Variants in DOCK8 observed in about 807,000 individuals in gnomAD.
The protein encoded by DOCK8 is dedicator of cytokinesis protein 8.
In DOCK8, 141 loss-of-function variants were observed where a neutral mutation model predicts 245.6. The observed-to-expected ratio is 0.57, with a 90% CI of 0.50 to 0.66. The LOEUF is 0.66. Among genes scored for constraint, DOCK8 ranks in the 30% least tolerant of loss-of-function variants. The pLI, the probability that DOCK8 is intolerant of heterozygous loss-of-function variation, is 0.00. For synonymous variants in DOCK8, 1,168 were observed against 970.2 expected (o/e 1.20, Z -3.79); for missense variants, 2,965 against 2,603.4 (o/e 1.14, Z -3.02).
Position 429,815 on chromosome 9 carries a change from C to A in DOCK8, c.4587C>A (p.Thr1529=). The A allele has an allele frequency of 6.2e-7, 1 of 1,614,098 alleles. No individual in the cohort carries two copies. The highest frequency in any genetic ancestry group is 1.3e-5 in the African/African-American group (1 of 75,012). ...MDVTRSQACA[T]LYLLMRFSFG... Reference sequence around the variant, plus strand: ...TCACCCGGAGCCAAGCCTGTGCCACCCTTTACCTCCTCATGAGGTTCAGTT... The same window carrying A: ...TCACCCGGAGCCAAGCCTGTGCCACACTTTACCTCCTCATGAGGTTCAGTT... The change falls in exon 36 of 48, where the codon ACC becomes ACA. Residue 1529 remains threonine (T), a synonymous_variant. Coordinates refer to ENST00000432829, the MANE Select transcript of DOCK8 (RefSeq NM_203447.4).
intron 1 of DOCK8, among the ~76,000 whole-genome samples, chr9:270,921 C>T (rs1203706133): frequency 6.6e-6 from 1 of 152,172 alleles, no homozygotes; most frequent in Non-Finnish European, 1.5e-5. Flanking sequence ...CAGATAAGTG[C>T]TCAGAAGTCA....
chr9:304,077 A>G (rs903943285), intron 4 of DOCK8, among the ~76,000 whole-genome samples: 1 of 152,248 alleles, frequency 6.6e-6, no homozygotes, highest in South Asian at 2.1e-4. Context: ...CAGAGTTCAT[A>G]GAGTGGAGAT....
At chr9:227,893 A>G (rs1477358387) in intron 1 of DOCK8, among the ~76,000 whole-genome samples, 1 of 152,196 alleles carries the variant, frequency 6.6e-6, no homozygotes, top group African/African-American at 2.4e-5. Flanking sequence ...AACACATGGC[A>G]GACCGTTGTA....
intron 26 of DOCK8, among the ~76,000 whole-genome samples, chr9:400,934 T>TCCACCACCACCATCACCA (rs1193599931): frequency 4.9e-5 from 1 of 20,540 alleles, no homozygotes; most frequent in Non-Finnish European, 7.2e-5. Flanking sequence ...CACCACAACA[T>TCCACCACCACCATCACCA]CCACCACCAC....
intron 18 of DOCK8, among the ~76,000 whole-genome samples, chr9:373,515 G>C (rs2053388017): frequency 6.6e-6 from 1 of 152,166 alleles, no homozygotes; most frequent in Admixed American, 6.5e-5. Context: ...TCCACACACT[G>C]ATATTGATTG....
At chr9:339,563 G>A (rs2051479628) in intron 13 of DOCK8, among the ~76,000 whole-genome samples, 1 of 152,144 alleles carries the variant, frequency 6.6e-6, no homozygotes, top group African/African-American at 2.4e-5. Flanking sequence ...TCACCAGGCT[G>A]GAGTGCAGTG....
At chr9:269,051 C>T (rs1338549128) in intron 1 of DOCK8, among the ~76,000 whole-genome samples, 1 of 152,188 alleles carries the variant, frequency 6.6e-6, no homozygotes, top group African/African-American at 2.4e-5. Flanking sequence ...ACACGTACAC[C>T]TATCTATATC....
intron 29 of DOCK8, among the ~76,000 whole-genome samples, chr9:415,819 G>C (rs2055978259): frequency 6.6e-6 from 1 of 152,178 alleles, no homozygotes; most frequent in Admixed American, 6.5e-5. Flanking sequence ...TCTGGGCAAT[G>C]CTTCCCTGAG....
chr9:238,936 G>C (rs932379268), intron 1 of DOCK8, among the ~76,000 whole-genome samples: 4 of 146,814 alleles, frequency 2.7e-5, no homozygotes, highest in African/African-American at 9.8e-5. Context: ...TCCTATCACA[G>C]CTTGCACTCA....
Position 304,700 on chromosome 9 carries a change from C to T in DOCK8, c.524C>T (p.Ala175Val), listed in dbSNP as rs1402480673. The change falls in exon 5 of 48, where the codon GCT (alanine) becomes GTT (valine). Residue 175 changes from alanine (A) to valine (V), a missense_variant. Ala to Val is a moderately conservative substitution (Grantham distance 64, BLOSUM62 0). Coordinates refer to ENST00000432829, the MANE Select transcript of DOCK8 (RefSeq NM_203447.4). Reference protein sequence around the residue: ...SETLECSEPAAQAGPRHLNVL... With the variant: ...SETLECSEPAVQAGPRHLNVL... ...ACCTTGGAGTGCAGTGAACCCGCTG[C>T]TCAGGTATTTCCTGTCAACAAACAT... The T allele has an allele frequency of 5.6e-6, 9 of 1,614,192 alleles. No homozygotes were observed. The highest frequency in any genetic ancestry group is 7.6e-6 in the Non-Finnish European group (9 of 1,180,028).
chr9:411,600 T>A (rs977698983), intron 28 of DOCK8, among the ~76,000 whole-genome samples: 1 of 152,148 alleles, frequency 6.6e-6, no homozygotes, highest in African/African-American at 2.4e-5. Context: ...ACTTGTTCTA[T>A]GAAGCTAGCA....
rs1429394196 is a variant in DOCK8 at position 334,170 on chromosome 9, CA to C, written c.1126-54del. ...ATGGCTGTCATATTCAGGTCAGAGG[CA>C]GTTGACTTGGTGCTGATGCTTGTTT... On this transcript the variant is annotated intron_variant, in intron 10 of 47. Coordinates refer to ENST00000432829, the MANE Select transcript of DOCK8 (RefSeq NM_203447.4). 3 of 1,600,846 alleles carry C rather than the reference CA, an allele frequency of 1.9e-6. No homozygotes were observed. The African/African-American group carries it at 4.0e-5, about 21-fold the overall frequency.
At chr9:236,736 C>T (rs973037257) in intron 1 of DOCK8, among the ~76,000 whole-genome samples, 1 of 152,224 alleles carries the variant, frequency 6.6e-6, no homozygotes, top group African/African-American at 2.4e-5. Context: ...GTTTATATCA[C>T]AGTCTGATGC....
intron 14 of DOCK8, chr9:365,804 G>A (rs540031678): frequency 5.3e-6 from 2 of 377,670 alleles, no homozygotes; most frequent in Non-Finnish European, 1.0e-5. Context: ...ATTGGTGGCA[G>A]TGGAGATGAA....
chr9:241,718 T>A (rs1400131425), intron 1 of DOCK8, among the ~76,000 whole-genome samples: 1 of 152,230 alleles, frequency 6.6e-6, no homozygotes, highest in Admixed American at 6.5e-5. Flanking sequence ...ATAATAATCT[T>A]TTCCTTTGGA....
At chr9:382,775 T>G in intron 22 of DOCK8, 90 bp downstream of exon 22, 1 of 1,508,108 alleles carries the variant, frequency 6.6e-7, no homozygotes, top group Non-Finnish European at 9.0e-7. Flanking sequence ...CAACCACTAC[T>G]GCTGCCCACC....
chr9:323,428 G>A (rs2050613143), intron 7 of DOCK8, among the ~76,000 whole-genome samples: 1 of 151,842 alleles, frequency 6.6e-6, no homozygotes, highest in South Asian at 2.1e-4. Context: ...TCACCGTGTT[G>A]GCCAGGCTGG....
intron 20 of DOCK8, among the ~76,000 whole-genome samples, chr9:378,012 G>A (rs2053588853): frequency 6.6e-6 from 1 of 152,200 alleles, no homozygotes. Context: ...CAGTCCAGCA[G>A]ACGTCTTTTG....
At chr9:440,019 A>G (rs1334750510) in intron 40 of DOCK8, among the ~76,000 whole-genome samples, 2 of 151,946 alleles carry the variant, frequency 1.3e-5, no homozygotes, top group Non-Finnish European at 2.9e-5. Context: ...ACTCTTGTCT[A>G]TTTTCTTTTC....
Sources: allele counts gnomAD v4.1 joint callset (sites outside exome capture counted in the v4.1 genomes callset), GRCh38; gene constraint gnomAD v4.1.1; transcripts MANE v1.5; gene names NCBI Gene and HGNC (gene_info 2026-07-23, HGNC 2026-07-21).